The following ZNF75D variants were observed in gnomAD, a reference collection of about 807,000 sequenced individuals.
ZNF75D encodes zinc finger protein 75D, also known as zinc finger protein 75.
In ZNF75D, 33 loss-of-function variants were observed where a neutral mutation model predicts 33.3. The ratio of observed to expected loss-of-function variants is 0.99; its 90% CI spans 0.75 to 1.32. ZNF75D has a LOEUF of 1.32. Ranked by LOEUF, ZNF75D falls within the 40% of genes most tolerant of loss-of-function variation. The pLI is 0.00. For missense variants in ZNF75D, 338 were observed against 367.5 expected (o/e 0.92, Z 0.66); for synonymous variants, 113 against 130.6 (o/e 0.87, Z 0.92).
At chrX:135,341,661 C>A (rs1425709266) in intron 1 of ZNF75D, 107 bp downstream of exon 1, 2 of 112,430 alleles carry the variant, frequency 1.8e-5, no homozygotes, top group African/African-American at 6.5e-5. Flanking sequence ...CTGTCTTTAC[C>A]TAGGAAAATA....
chrX:135,267,644 A>G (rs1458734934), intron 1 of ZNF75D, among the ~76,000 whole-genome samples: 2 of 111,237 alleles, frequency 1.8e-5, no homozygotes, highest in African/African-American at 6.5e-5. Context: ...GCAAAGAAAA[A>G]TCCAGGACAC....
chrX:135,314,860 T>A (rs1429227978), intron 1 of ZNF75D, among the ~76,000 whole-genome samples: 3 of 111,963 alleles, frequency 2.7e-5, no homozygotes, highest in African/African-American at 9.7e-5. Context: ...TTGGGTCTTC[T>A]CTCTTCTTGA....
chrX:135,278,522 A>G (rs1409131889), intron 1 of ZNF75D, among the ~76,000 whole-genome samples: 1 of 111,775 alleles, frequency 8.9e-6, no homozygotes, highest in Non-Finnish European at 1.9e-5. Flanking sequence ...TTCCAATACT[A>G]TGTTGAATAG....
chrX:135,302,223 A>G (rs782167512), intron 1 of ZNF75D, among the ~76,000 whole-genome samples: 1 of 112,335 alleles, frequency 8.9e-6, no homozygotes, highest in Non-Finnish European at 1.9e-5. Context: ...TAAATACATT[A>G]TATTTAGGCC....
Position 135,287,105 on chromosome X carries a change from T to G in ZNF75D, c.*32A>C, listed in dbSNP as rs2083963532. 2 of 1,123,989 alleles carry G rather than the reference T, an allele frequency of 1.8e-6. No homozygotes were observed. The highest frequency in any genetic ancestry group is 3.7e-5 in the African/African-American group (2 of 54,064). 92.6% of individuals were successfully genotyped at this position (1,123,989 alleles called of 1,213,427 possible). A position where few individuals can be genotyped will look rare whatever the true frequency, so the allele number is the denominator to read the frequency against. On this transcript the variant is annotated 3_prime_UTR_variant, in exon 7 of 7. Coordinates refer to ENST00000370766, the MANE Select transcript of ZNF75D (RefSeq NM_007131.5). Reference sequence around the variant, plus strand: ...TCATAATTTTGTATTCTTTCACCACTTCTAAAGTCAAGCTCTACATGGTAA... The same window carrying G: ...TCATAATTTTGTATTCTTTCACCACGTCTAAAGTCAAGCTCTACATGGTAA...
At position 135,258,292 on chromosome X, in the gene ZNF75D, A is replaced by G. The variant is rs1035086372; in HGVS notation, n.828-2515T>C. Among the ~76,000 whole-genome samples the G allele has an allele frequency of 4.5e-5, 5 of 109,927 alleles. No individual in the cohort carries two copies. The East Asian group carries it at 8.4e-4, about 19-fold the overall frequency. On this transcript the variant is annotated intron_variant and non_coding_transcript_variant, in intron 1 of 3. Transcript: ENST00000494295. ...TGTCTTTATAGTAGCATGATTTATA[A>G]TCCTTTGGGTATATACCCAGTAATG...
chrX:135,258,263 C>T (rs1556414771), intron 1 of ZNF75D, among the ~76,000 whole-genome samples: 1 of 108,372 alleles, frequency 9.2e-6, no homozygotes, highest in African/African-American at 3.3e-5. Flanking sequence ...CATACGTGTG[C>T]ATGTGTCTTT....
At chrX:135,318,074 T>TATAC (rs2084444583) in intron 1 of ZNF75D, among the ~76,000 whole-genome samples, 1 of 97,478 alleles carries the variant, frequency 1.0e-5, no homozygotes. Context: ...TGGCTTGATA[T>TATAC]ATATATATAT....
chrX:135,260,964 T>G (rs782490847), intron 1 of ZNF75D, among the ~76,000 whole-genome samples: 1 of 112,584 alleles, frequency 8.9e-6, no homozygotes, highest in Admixed American at 9.4e-5. Flanking sequence ...ACACACTGCT[T>G]TAAATGTGTC....
chrX:135,342,080 G>A lies in ZNF75D; in HGVS notation c.-703C>T, dbSNP rs1556445028. 8.9e-6 allele frequency: 1 copy of A among 112,113 alleles called. No individual in the cohort carries two copies. Among genetic ancestry groups the A allele is most frequent in the East Asian group, 2.8e-4 (1 of 3,581 alleles). 9.2% of individuals were successfully genotyped at this position (112,113 alleles called of 1,213,427 possible). The stretch of plus-strand genomic sequence containing the variant: ...GCCCTACATCATAGTTTAGTTCACA[G>A]GGATCTTATCACCTTTCTCTTTCAC... On this transcript the variant is annotated 5_prime_UTR_variant, in exon 1 of 7. Transcript: ENST00000370766.
At chrX:135,313,186 G>T (rs2084380890) in intron 1 of ZNF75D, among the ~76,000 whole-genome samples, 1 of 111,288 alleles carries the variant, frequency 9.0e-6, no homozygotes, top group Admixed American at 9.5e-5. Flanking sequence ...AGAGGTAGGG[G>T]TCTAATTTCC....
chrX:135,265,957 T>C (rs2083861467), intron 1 of ZNF75D, among the ~76,000 whole-genome samples: 1 of 111,876 alleles, frequency 8.9e-6, no homozygotes, highest in Non-Finnish European at 1.9e-5. Context: ...CAATAAAAAC[T>C]TAAAAAGCAG....
chrX:135,335,685 A>T (rs1240498874), intron 1 of ZNF75D, among the ~76,000 whole-genome samples: 1 of 112,195 alleles, frequency 8.9e-6, no homozygotes, highest in East Asian at 2.8e-4. Flanking sequence ...GAGCACCCAC[A>T]TACATATACT....
At chrX:135,296,455 G>A (rs1301139344) in intron 1 of ZNF75D, among the ~76,000 whole-genome samples, 2 of 111,869 alleles carry the variant, frequency 1.8e-5, no homozygotes, top group Non-Finnish European at 3.8e-5. Flanking sequence ...TAGGGGCCAC[G>A]GAAGAGTGGC....
intron 5 of ZNF75D, 48 bp from the exon 6 acceptor site, chrX:135,291,183 T>C: frequency 2.5e-6 from 3 of 1,192,710 alleles, no homozygotes; most frequent in Non-Finnish European, 2.3e-6. Flanking sequence ...CTTCAGAAGC[T>C]GTCCTACCAC....
intron 1 of ZNF75D, among the ~76,000 whole-genome samples, chrX:135,311,594 A>G (rs182076354): frequency 8.9e-6 from 1 of 112,308 alleles, no homozygotes; most frequent in Admixed American, 9.4e-5. Context: ...TCAAGAATAC[A>G]ATACAGTTAG....
rs1276485793 is a variant in ZNF75D, at chrX:135,342,864, A to C, written c.-1487T>G. On this transcript the variant is annotated 5_prime_UTR_variant, in exon 1 of 7. Transcript: ENST00000370766. ...CCTTTCTGCATTTGACCAGTGCAGA[A>C]AGTGAAGCCCAGCCAAGCAAAAGTC... The C allele has an allele frequency of 3.6e-5, 4 of 111,656 alleles. No individual in the cohort carries two copies. The highest frequency in any genetic ancestry group is 1.3e-4 in the African/African-American group (4 of 30,560). 9.2% of individuals were successfully genotyped at this position (111,656 alleles called of 1,213,427 possible).
At chrX:135,262,952 T>C (rs1253537559) in intron 1 of ZNF75D, among the ~76,000 whole-genome samples, 1 of 112,666 alleles carries the variant, frequency 8.9e-6, no homozygotes, top group African/African-American at 3.2e-5. Flanking sequence ...TGGTCTTTGA[T>C]GTTGGTGACC....
chrX:135,280,626 C>A (rs916082255), intron 1 of ZNF75D, among the ~76,000 whole-genome samples: 1 of 111,681 alleles, frequency 9.0e-6, no homozygotes, highest in Non-Finnish European at 1.9e-5. Flanking sequence ...TGGCTGGTAC[C>A]GGTTTTTCCT....
Sources: gnomAD v4.1 joint callset for allele counts (sites outside exome capture counted in the v4.1 genomes callset) on GRCh38, gnomAD v4.1.1 for gene constraint, MANE v1.5 for transcripts, NCBI Gene and HGNC (gene_info 2026-07-23, HGNC 2026-07-21) for gene names.